SARAF: variants seen among roughly 807,000 people sequenced by gnomAD.
SARAF encodes store-operated calcium entry associated regulatory factor, also known as store-operated calcium entry-associated regulatory factor.
In SARAF, 23 loss-of-function variants were observed where a neutral mutation model predicts 39.7. The observed-to-expected ratio is 0.58, with a 90% CI of 0.42 to 0.82. The LOEUF is 0.82. SARAF is among the 40% of genes least tolerant of loss of function. The pLI is 0.00. For synonymous variants in SARAF, 175 were observed against 168.5 expected (o/e 1.04, Z -0.30); for missense variants, 384 against 418.5 (o/e 0.92, Z 0.72).
At position 30,069,821 on chromosome 8, in the gene SARAF, C is replaced by T; in HGVS notation, c.521G>A (p.Ser174Asn). 1 of 1,614,152 alleles carries T rather than the reference C, an allele frequency of 6.2e-7. No homozygotes were observed. The highest frequency in any genetic ancestry group is 8.5e-7 in the Non-Finnish European group (1 of 1,180,012). ...GAGTACCACAATGGTAATCAATCCA[C>T]TCATGTTACAGGAATCCGCCGAGGA... ...KWSSADSCNMSGLITIVVLLG... is the reference protein window; with the variant it reads ...KWSSADSCNMNGLITIVVLLG... The change falls in exon 3 of 6, where the codon AGT (serine) becomes AAT (asparagine). Residue 174 changes from serine (S) to asparagine (N), a missense_variant. Physicochemically the swap from Ser to Asn is conservative, Grantham distance 46 (BLOSUM62 1). Transcript: ENST00000256255.
intron 2 of SARAF, among the ~76,000 whole-genome samples, chr8:30,072,875 C>T (rs1801877468): frequency 6.6e-6 from 1 of 152,184 alleles, no homozygotes; most frequent in African/African-American, 2.4e-5. Flanking sequence ...AATCTGAGTG[C>T]CTGTCTTACC....
rs761001774 is a variant in SARAF, at chr8:30,063,786, T to C, written c.*102A>G. 9 of 994,062 alleles carry C rather than the reference T, an allele frequency of 9.1e-6. No homozygotes were observed. Among genetic ancestry groups the C allele is most frequent in the Non-Finnish European group, 1.4e-5 (9 of 621,482 alleles). The allele number at this position is 994,062 out of a possible 1,614,324, so 61.6% of individuals were successfully genotyped here. On this transcript the variant is annotated 3_prime_UTR_variant, in exon 6 of 6. Coordinates refer to ENST00000256255, the MANE Select transcript of SARAF (RefSeq NM_016127.6). The stretch of plus-strand genomic sequence containing the variant: ...CATAACACCACAGAACTTTTGAATA[T>C]CCCCTTTTCCCAATTGTTAACAGGT...
At chr8:30,072,849 G>T (rs1207894366) in intron 2 of SARAF, among the ~76,000 whole-genome samples, 1 of 152,142 alleles carries the variant, frequency 6.6e-6, no homozygotes, top group Non-Finnish European at 1.5e-5. Context: ...ATAATGTTGT[G>T]TTGGGACCTA....
intron 1 of SARAF, among the ~76,000 whole-genome samples, chr8:30,076,171 A>C (rs1305948626): frequency 6.6e-6 from 1 of 152,072 alleles, no homozygotes; most frequent in Non-Finnish European, 1.5e-5. Context: ...TATTCTCTGG[A>C]GAGGATAAAA....
At position 30,079,991 on chromosome 8, in the gene SARAF, C is replaced by T. The variant is rs144815742; in HGVS notation, c.103+2856G>A. Among the ~76,000 whole-genome samples, 434 of 152,260 alleles carry T rather than the reference C, an allele frequency of 2.9e-3. 1 individual carries two copies. Among genetic ancestry groups the T allele is most frequent in the African/African-American group, 0.01 (421 of 41,538 alleles). On this transcript the variant is annotated intron_variant, in intron 1 of 5. Transcript: ENST00000256255. ...CAAACAAGATAAACAAAACCAAACT[C>T]CCCTAAACCTGATCATCCCACATTC...
At chr8:30,064,561 A>ATATATATATATATATTTTTTTTT (rs1423689069) in intron 5 of SARAF, among the ~76,000 whole-genome samples, 1 of 46,226 alleles carries the variant, frequency 2.2e-5, no homozygotes, top group African/African-American at 1.1e-4. Flanking sequence ...ATATATATAT[A>ATATATATATATATATTTTTTTTT]TTTTTTTTTT....
Position 30,069,803 on chromosome 8 carries a change from A to G in SARAF, c.539T>C (p.Val180Ala), listed in dbSNP as rs754648407. Reference protein sequence around the residue: ...SCNMSGLITIVVLLGIAFVVY... With the variant: ...SCNMSGLITIAVLLGIAFVVY... The stretch of plus-strand genomic sequence containing the variant: ...TACAAACGCGATCCCAAGGAGTACC[A>G]CAATGGTAATCAATCCACTCATGTT... Residue 180 changes from valine (V) to alanine (A), a missense_variant, in exon 3 of 6, where the codon GTG becomes GCG. Physicochemically the swap from Val to Ala is moderately conservative, Grantham distance 64. Transcript: ENST00000256255. The G allele has an allele frequency of 1.9e-6, 3 of 1,614,030 alleles. No individual in the cohort carries two copies. In the African/African-American group the frequency reaches 4.0e-5, roughly 22 times the overall value.
chr8:30,069,134 ATTTTTT>A (rs36096551), intron 3 of SARAF, among the ~76,000 whole-genome samples: 8 of 97,830 alleles, frequency 8.2e-5, no homozygotes, highest in Non-Finnish European at 1.1e-4. Context: ...TTAATCAGGC[ATTTTTT>A]TTTTTTTTTT....
At chr8:30,078,935 T>C (rs1400264494) in intron 1 of SARAF, among the ~76,000 whole-genome samples, 5 of 152,010 alleles carry the variant, frequency 3.3e-5, no homozygotes, top group Admixed American at 6.6e-5. Context: ...GGAGGGCAGA[T>C]CACCTAAGGT....
intron 1 of SARAF, among the ~76,000 whole-genome samples, chr8:30,081,211 T>C (rs1282180943): frequency 6.6e-6 from 1 of 152,234 alleles, no homozygotes; most frequent in South Asian, 2.1e-4. Context: ...CAATTGAGTT[T>C]ACTCTGCAAA....
chr8:30,075,980 C>CAA (rs1563356165), intron 1 of SARAF, among the ~76,000 whole-genome samples: 1 of 87,990 alleles, frequency 1.1e-5, no homozygotes, highest in Non-Finnish European at 2.1e-5. Context: ...AACAGAATCC[C>CAA]TAAAAAAAAA....
At chr8:30,072,437 A>G (rs143124874) in intron 2 of SARAF, among the ~76,000 whole-genome samples, 111 of 152,250 alleles carry the variant, frequency 7.3e-4, no homozygotes, top group African/African-American at 2.6e-3. Flanking sequence ...TTTCATTTGG[A>G]TAAGATGCAG....
At chr8:30,081,226 T>A (rs942595614) in intron 1 of SARAF, among the ~76,000 whole-genome samples, 2 of 152,226 alleles carry the variant, frequency 1.3e-5, no homozygotes, top group African/African-American at 4.8e-5. Flanking sequence ...TGCAAAATAT[T>A]GTGGTGCTTT....
intron 1 of SARAF, among the ~76,000 whole-genome samples, chr8:30,076,005 C>CCCAAAAAAAAAAAAAAAAAAAAAAAA (rs1801955438): frequency 9.0e-6 from 1 of 111,032 alleles, no homozygotes; most frequent in Non-Finnish European, 1.6e-5. Context: ...AAAAAAAAAA[C>CCCAAAAAAAAAAAAAAAAAAAAAAAA]AAAAAACGGG....
At chr8:30,080,386 T>C (rs1802070336) in intron 1 of SARAF, among the ~76,000 whole-genome samples, 1 of 152,232 alleles carries the variant, frequency 6.6e-6, no homozygotes, top group African/African-American at 2.4e-5. Context: ...CCACTTCAGG[T>C]TTCCAGTCAA....
intron 1 of SARAF, among the ~76,000 whole-genome samples, chr8:30,081,214 T>A (rs1802091025): frequency 6.6e-6 from 1 of 152,248 alleles, no homozygotes; most frequent in Admixed American, 6.5e-5. Flanking sequence ...TTGAGTTTAC[T>A]CTGCAAAATA....
intron 2 of SARAF, among the ~76,000 whole-genome samples, chr8:30,071,323 A>G (rs1208630911): frequency 6.6e-6 from 1 of 152,202 alleles, no homozygotes; most frequent in Non-Finnish European, 1.5e-5. Context: ...TGTACTCCAG[A>G]CTGGGTGACA....
chr8:30,064,534 CAT>C (rs71204255), intron 5 of SARAF, among the ~76,000 whole-genome samples: 11 of 78,234 alleles, frequency 1.4e-4, no homozygotes, highest in African/African-American at 5.1e-4. Flanking sequence ...CTTACCTAGC[CAT>C]ATATATATAT....
rs554222242 is a variant in SARAF at position 30,082,974 on chromosome 8, G to C, written c.-25C>G. ...TGGCGCTCGATGAAGATGGCGCCGG[G>C]CTGCCAGACGCCTACGGGCCGAACC... On this transcript the variant is annotated 5_prime_UTR_variant, in exon 1 of 6. Transcript: ENST00000256255. 6.6e-7 allele frequency: 1 copy of C among 1,524,440 alleles called. No homozygotes were observed. The highest frequency in any genetic ancestry group is 2.5e-5 in the East Asian group (1 of 39,336). 94.4% of individuals were successfully genotyped at this position (1,524,440 alleles called of 1,614,324 possible). A position where few individuals can be genotyped will look rare whatever the true frequency, so the allele number is the denominator to read the frequency against.
Sources: allele counts gnomAD v4.1 joint callset (sites outside exome capture counted in the v4.1 genomes callset), GRCh38; gene constraint gnomAD v4.1.1; transcripts MANE v1.5; gene names NCBI Gene and HGNC (gene_info 2026-07-23, HGNC 2026-07-21).